Variants in SLC24A2 observed in about 807,000 individuals in gnomAD.
SLC24A2 encodes the protein solute carrier family 24 member 2.
Under a neutral mutation model 62.0 loss-of-function variants are expected in SLC24A2, and 36 were observed. The ratio of observed to expected loss-of-function variants is 0.58; its 90% CI spans 0.44 to 0.77. The LOEUF (loss-of-function observed/expected upper bound fraction) is 0.77, where lower values mean the gene tolerates loss of function less well. Among genes scored for constraint, SLC24A2 ranks in the 30% least tolerant of loss-of-function variants. SLC24A2 has a pLI of 0.00. For missense variants in SLC24A2, 846 were observed against 817.9 expected, an observed-to-expected ratio of 1.03 and a Z score of -0.42; for synonymous variants, 358 against 294.0, an observed-to-expected ratio of 1.22 and a Z score of -2.23.
At chr9:20,066,912 A>G in the SLC24A2 span, among the ~76,000 whole-genome samples, 2 of 152,300 alleles carry the variant, frequency 1.3e-5, no homozygotes, top group East Asian at 3.9e-4. Context: ...GGAGTGATCT[A>G]GGTCCCCACA....
chr9:19,655,286 T>C (rs528573744), intron 2 of SLC24A2, among the ~76,000 whole-genome samples: 1 of 152,318 alleles, frequency 6.6e-6, no homozygotes, highest in South Asian at 2.1e-4. Flanking sequence ...TTTGGTGGCA[T>C]TTCATCCAGC....
intron 8 of SLC24A2, among the ~76,000 whole-genome samples, chr9:19,548,745 C>T (rs534885622): frequency 6.6e-6 from 1 of 152,192 alleles, no homozygotes; most frequent in Non-Finnish European, 1.5e-5. Flanking sequence ...TGCAGTCCCC[C>T]TTTGAGAGTC....
At chr9:19,683,362 G>A (rs1819778580) in intron 2 of SLC24A2, among the ~76,000 whole-genome samples, 1 of 152,092 alleles carries the variant, frequency 6.6e-6, no homozygotes, top group African/African-American at 2.4e-5. Flanking sequence ...ATAGGTTTCT[G>A]GGAGATTACA....
chr9:20,126,513 A>T, the SLC24A2 span, among the ~76,000 whole-genome samples: 2 of 152,176 alleles, frequency 1.3e-5, no homozygotes, highest in Non-Finnish European at 1.5e-5. Flanking sequence ...AATCATCCAT[A>T]AATTCTTTTT....
chr9:19,790,448 TATC>T (rs757893196), upstream of SLC24A2, among the ~76,000 whole-genome samples: 3 of 148,880 alleles, frequency 2.0e-5, no homozygotes, highest in Non-Finnish European at 4.4e-5. Flanking sequence ...GCAAGAAAAC[TATC>T]AACTACCACT....
chr9:19,644,717 C>A (rs1818593720), intron 2 of SLC24A2, among the ~76,000 whole-genome samples: 1 of 141,968 alleles, frequency 7.0e-6, no homozygotes, highest in South Asian at 2.1e-4. Context: ...ATGCTTGAAA[C>A]AACAAGTTCA....
chr9:19,952,969 G>C, the SLC24A2 span, among the ~76,000 whole-genome samples: 6 of 151,318 alleles, frequency 4.0e-5, no homozygotes, highest in Non-Finnish European at 7.4e-5. Context: ...TTTCTTCTTG[G>C]GTCAGTTTTT....
chr9:20,153,861 C>G, the SLC24A2 span, among the ~76,000 whole-genome samples: 1 of 152,026 alleles, frequency 6.6e-6, no homozygotes, highest in South Asian at 2.1e-4. Context: ...TCTAAATTTT[C>G]TATATAAGCA....
intron 2 of SLC24A2, among the ~76,000 whole-genome samples, chr9:19,741,274 G>C (rs569913367): frequency 6.6e-6 from 1 of 152,240 alleles, no homozygotes; most frequent in East Asian, 1.9e-4. Context: ...TGGCTTTCCG[G>C]TTCTGCCAAA....
At chr9:19,980,994 G>T in the SLC24A2 span, among the ~76,000 whole-genome samples, 1 of 152,130 alleles carries the variant, frequency 6.6e-6, no homozygotes, top group African/African-American at 2.4e-5. Context: ...ATCTCCCCAA[G>T]AGGGTAACAC....
chr9:19,658,927 G>A (rs1352572251), intron 2 of SLC24A2, among the ~76,000 whole-genome samples: 2 of 152,124 alleles, frequency 1.3e-5, no homozygotes, highest in Non-Finnish European at 2.9e-5. Flanking sequence ...TTCACGCAAC[G>A]AACGTACACA....
chr9:19,515,986 A>C lies in SLC24A2; in HGVS notation c.*167T>G, dbSNP rs1389146975. On this transcript the variant is annotated 3_prime_UTR_variant, in exon 11 of 11. Coordinates refer to ENST00000341998, the MANE Select transcript of SLC24A2 (RefSeq NM_020344.4). ...GTAGGCAGGGTGGAAGCAGCCTGTG[A>C]AGTGAATGGGCCCAGTGTGAATCCA... 2.4e-6 allele frequency: 2 copies of C among 838,108 alleles called. No individual in the cohort carries two copies. The highest frequency in any genetic ancestry group is 4.0e-6 in the Non-Finnish European group (2 of 495,820). The allele number at this position is 838,108 out of a possible 1,614,324, so 51.9% of individuals were successfully genotyped here. A position where few individuals can be genotyped will look rare whatever the true frequency, so the allele number is the denominator to read the frequency against.
the SLC24A2 span, among the ~76,000 whole-genome samples, chr9:20,162,420 A>T: frequency 6.6e-6 from 1 of 152,038 alleles, no homozygotes; most frequent in East Asian, 1.9e-4. Flanking sequence ...CCCTCCCAAG[A>T]CTAAACCAGG....
chr9:20,192,643 C>T, the SLC24A2 span, among the ~76,000 whole-genome samples: 1 of 152,158 alleles, frequency 6.6e-6, no homozygotes, highest in Non-Finnish European at 1.5e-5. Context: ...TCATTATTAA[C>T]CTCAGCTGCA....
chr9:20,063,619 G>A, the SLC24A2 span, among the ~76,000 whole-genome samples: 1 of 151,992 alleles, frequency 6.6e-6, no homozygotes, highest in Non-Finnish European at 1.5e-5. Context: ...TTGTGCACAT[G>A]TACCCTAAAA....
chr9:19,754,301 C>T lies in SLC24A2; in HGVS notation c.930+31636G>A, dbSNP rs148175513. Among the ~76,000 whole-genome samples the T allele has an allele frequency of 7.4e-3, 1,123 of 152,300 alleles. 12 individuals are homozygous for T. Among genetic ancestry groups the T allele is most frequent in the Non-Finnish European group, 0.012 (823 of 68,018 alleles). ...TCTCTTCCTGAAGCCACCCGTCTATCCTCCTTCCCCAAGGCATGAAGAGCG... is the reference window on the plus strand; with the variant it reads ...TCTCTTCCTGAAGCCACCCGTCTATTCTCCTTCCCCAAGGCATGAAGAGCG... On this transcript the variant is annotated intron_variant, in intron 2 of 10. Transcript: ENST00000341998.
the SLC24A2 span, among the ~76,000 whole-genome samples, chr9:20,059,603 A>C: frequency 6.6e-6 from 1 of 152,196 alleles, no homozygotes; most frequent in Non-Finnish European, 1.5e-5. Context: ...AGATGAATGA[A>C]AATGAAAACA....
the SLC24A2 span, among the ~76,000 whole-genome samples, chr9:19,961,053 AGT>A: frequency 9.7e-6 from 1 of 103,442 alleles, no homozygotes; most frequent in South Asian, 4.1e-4. Context: ...TGTGTGTGTG[AGT>A]GAGAGAAAGG....
At chr9:19,909,808 G>A in the SLC24A2 span, among the ~76,000 whole-genome samples, 1 of 151,976 alleles carries the variant, frequency 6.6e-6, no homozygotes, top group Non-Finnish European at 1.5e-5. Flanking sequence ...TCAAAAAAAC[G>A]GTTATGCCAG....
Sources: allele counts gnomAD v4.1 joint callset (sites outside exome capture counted in the v4.1 genomes callset), GRCh38; gene constraint gnomAD v4.1.1; transcripts MANE v1.5; gene names NCBI Gene and HGNC (gene_info 2026-07-23, HGNC 2026-07-21).